Variants in PRKCI observed in about 807,000 individuals in gnomAD.
PRKCI encodes protein kinase C iota type.
A neutral mutation model predicts 84.0 loss-of-function variants in PRKCI; 43 were observed. That is an observed-to-expected ratio of 0.51 (90% CI 0.40 to 0.66). PRKCI has a LOEUF of 0.66. PRKCI is among the 30% of genes least tolerant of loss of function. The pLI is 0.00. For synonymous variants in PRKCI, 216 were observed against 234.4 expected (o/e 0.92, Z 0.72); for missense variants, 459 against 745.6 (o/e 0.62, Z 4.48).
intron 1 of PRKCI, among the ~76,000 whole-genome samples, chr3:170,229,310 A>G (rs1473605494): frequency 2.0e-5 from 3 of 151,630 alleles, no homozygotes; most frequent in African/African-American, 4.8e-5. Context: ...ACAGTGTTCT[A>G]CAGTTGTTGT....
intron 11 of PRKCI, among the ~76,000 whole-genome samples, chr3:170,283,578 T>C (rs1372721003): frequency 6.6e-6 from 1 of 152,232 alleles, no homozygotes; most frequent in Non-Finnish European, 1.5e-5. Flanking sequence ...TCACCCTTCA[T>C]AGAGCCACAG....
chr3:170,280,893 A>C (rs1734226329), intron 9 of PRKCI, among the ~76,000 whole-genome samples: 1 of 152,202 alleles, frequency 6.6e-6, no homozygotes, highest in Admixed American at 6.5e-5. Flanking sequence ...TAATTTGATT[A>C]TTAGATTTTT....
At chr3:170,282,017 G>T in intron 11 of PRKCI, 49 bp downstream of exon 11, 1 of 1,583,554 alleles carries the variant, frequency 6.3e-7, no homozygotes, top group East Asian at 2.3e-5. Context: ...GGGCCATGTG[G>T]CTTTTTATGT....
chr3:170,240,656 G>A (rs1265846234), intron 2 of PRKCI, among the ~76,000 whole-genome samples: 2 of 151,954 alleles, frequency 1.3e-5, no homozygotes, highest in African/African-American at 2.4e-5. Flanking sequence ...GGGGCATGTC[G>A]GTCTGATCTG....
Position 170,270,333 on chromosome 3 carries a change from G to A in PRKCI, c.451-88G>A, listed in dbSNP as rs1219122455. ...TTGTTGTGGGCTGACAGTTGACACC[G>A]TGACAAAGGGAATTGAGTCAGCAAA... On this transcript the variant is annotated intron_variant, in intron 5 of 17. Coordinates refer to ENST00000295797, the MANE Select transcript of PRKCI (RefSeq NM_002740.6). The A allele has an allele frequency of 2.0e-5, 26 of 1,289,372 alleles. No individual in the cohort carries two copies. In the Admixed American group the frequency reaches 3.4e-4, roughly 17 times the overall value. The allele number at this position is 1,289,372 out of a possible 1,614,324, so 79.9% of individuals were successfully genotyped here. A position where few individuals can be genotyped will look rare whatever the true frequency, so the allele number is the denominator to read the frequency against.
In PRKCI at chr3:170,278,566, G is replaced by C. The variant is rs537210307; in HGVS notation, c.706-1661G>C. ...AGCTACTTGGGAGACTGAGGCAGGA[G>C]GATCACTTGAGCCCAGGAGTTCATG... On this transcript the variant is annotated intron_variant, in intron 8 of 17. Transcript: ENST00000295797. 2.6e-5 allele frequency among the ~76,000 whole-genome samples: 4 copies of C among 152,312 alleles called. No individual in the cohort carries two copies. In the East Asian group the frequency reaches 7.7e-4, roughly 29 times the overall value.
chr3:170,290,501 G>C (rs191877242), intron 12 of PRKCI, among the ~76,000 whole-genome samples: 1 of 150,716 alleles, frequency 6.6e-6, no homozygotes, highest in Admixed American at 6.6e-5. Context: ...ACATATAGAC[G>C]TACATATATT....
intron 4 of PRKCI, among the ~76,000 whole-genome samples, chr3:170,266,677 G>A (rs141473340): frequency 1.2e-3 from 177 of 152,298 alleles, no homozygotes; most frequent in African/African-American, 4.0e-3. Flanking sequence ...ATTGCATCCT[G>A]GATAGAAAAA....
At chr3:170,257,907 A>G (rs532869780) in intron 2 of PRKCI, among the ~76,000 whole-genome samples, 18 of 151,462 alleles carry the variant, frequency 1.2e-4, no homozygotes, top group Non-Finnish European at 1.9e-4. Flanking sequence ...CAGGCGATCC[A>G]CCCACCTTGG....
At chr3:170,269,373 G>C (rs1733945691) in intron 5 of PRKCI, among the ~76,000 whole-genome samples, 1 of 152,158 alleles carries the variant, frequency 6.6e-6, no homozygotes, top group Non-Finnish European at 1.5e-5. Context: ...ATTTAAGAAG[G>C]CTTTGAGGCT....
rs150239950 is a variant in PRKCI at position 170,280,340 on chromosome 3, A to T, written c.819A>T (p.Leu273Phe). 26 of 1,610,840 alleles carry T rather than the reference A, an allele frequency of 1.6e-5. No homozygotes were observed. Among genetic ancestry groups the T allele is most frequent in the Non-Finnish European group, 2.0e-5 (24 of 1,178,012 alleles). ...GSYAKVLLVR[L>F]KKTDRIYAMK... The stretch of plus-strand genomic sequence containing the variant: ...ATGCCAAAGTACTGTTGGTTCGATT[A>T]AAAAAAACAGATCGTATTTATGCAA... Residue 273 changes from leucine to phenylalanine, a missense_variant, in exon 9 of 18, where the codon TTA (leucine) becomes TTT (phenylalanine). By Grantham distance (22) the Leu-to-Phe change is conservative (BLOSUM62 0). Transcript: ENST00000295797.
intron 11 of PRKCI, 81 bp downstream of exon 11, chr3:170,282,049 T>C: frequency 2.1e-6 from 3 of 1,412,026 alleles, no homozygotes; most frequent in Non-Finnish European, 2.9e-6. Context: ...AAACAGTAGA[T>C]AAATAATTTA....
Position 170,281,952 on chromosome 3 carries a change from C to G in PRKCI, c.1051C>G (p.Pro351Ala). ...TCATATGCAGCGACAAAGAAAACTT[C>G]CTGAAGAACATGCCAGGTGAGTTTT... Reference protein sequence around the residue: ...MFHMQRQRKLPEEHARFYSAE... With the variant: ...MFHMQRQRKLAEEHARFYSAE... The change falls in exon 11 of 18, where the codon CCT (proline) becomes GCT (alanine). Residue 351 changes from proline (P) to alanine (A), a missense_variant. By Grantham distance (27) the Pro-to-Ala change is conservative. Coordinates refer to ENST00000295797, the MANE Select transcript of PRKCI (RefSeq NM_002740.6). 6.2e-7 allele frequency: 1 copy of G among 1,611,126 alleles called. No homozygotes were observed. The highest frequency in any genetic ancestry group is 8.5e-7 in the Non-Finnish European group (1 of 1,178,542).
At chr3:170,248,002 C>T (rs1165051542) in intron 2 of PRKCI, among the ~76,000 whole-genome samples, 1 of 152,086 alleles carries the variant, frequency 6.6e-6, no homozygotes, top group Non-Finnish European at 1.5e-5. Context: ...AGTGTTCTGA[C>T]TGCATATCCA....
At chr3:170,278,170 A>G (rs1345064868) in intron 8 of PRKCI, among the ~76,000 whole-genome samples, 1 of 152,066 alleles carries the variant, frequency 6.6e-6, no homozygotes, top group African/African-American at 2.4e-5. Context: ...CAGCCTTATT[A>G]TTGTGTCGGT....
chr3:170,269,066 C>T (rs772296737), intron 5 of PRKCI, among the ~76,000 whole-genome samples: 1 of 152,106 alleles, frequency 6.6e-6, no homozygotes, highest in Non-Finnish European at 1.5e-5. Flanking sequence ...AGGCATCAGC[C>T]AACAGGCCTG....
intron 2 of PRKCI, among the ~76,000 whole-genome samples, chr3:170,245,950 T>TTTTTTTTTTTTGGTTGTTTG (rs1491090525): frequency 2.3e-5 from 1 of 44,348 alleles, no homozygotes; most frequent in Non-Finnish European, 4.0e-5. Context: ...TATGTCTTTG[T>TTTTTTTTTTTTGGTTGTTTG]TTTTTTTTTT....
At chr3:170,234,905 C>G (rs1010311813) in intron 1 of PRKCI, among the ~76,000 whole-genome samples, 1 of 151,850 alleles carries the variant, frequency 6.6e-6, no homozygotes, top group East Asian at 1.9e-4. Flanking sequence ...CATGTTCCCC[C>G]CCTGAGAAGG....
intron 8 of PRKCI, among the ~76,000 whole-genome samples, chr3:170,278,293 C>T (rs1362078113): frequency 6.6e-6 from 1 of 152,156 alleles, no homozygotes; most frequent in African/African-American, 2.4e-5. Context: ...CTTTCTTAAC[C>T]TTCTCAAACC....
Sources: allele counts gnomAD v4.1 joint callset (sites outside exome capture counted in the v4.1 genomes callset), GRCh38; gene constraint gnomAD v4.1.1; transcripts MANE v1.5; gene names NCBI Gene and HGNC (gene_info 2026-07-23, HGNC 2026-07-21).